The following MED27 variants were observed in gnomAD, a reference collection of about 807,000 sequenced individuals.
The protein encoded by MED27 is mediator complex subunit 27, also known as mediator of RNA polymerase II transcription subunit 27.
Under a neutral mutation model 38.2 loss-of-function variants are expected in MED27, and 30 were observed. That is an observed-to-expected ratio of 0.79 (90% confidence interval 0.59 to 1.07). The LOEUF (loss-of-function observed/expected upper bound fraction) is 1.07. MED27 is among the 50% of genes least tolerant of loss of function. The pLI is 0.00. For missense variants in MED27, 289 were observed against 397.5 expected (o/e 0.73, Z 2.32); for synonymous variants, 122 against 153.5 (o/e 0.79, Z 1.52).
At chr9:132,002,481 G>A (rs761764741) in intron 3 of MED27, among the ~76,000 whole-genome samples, 5 of 152,174 alleles carry the variant, frequency 3.3e-5, no homozygotes, top group Non-Finnish European at 5.9e-5. Flanking sequence ...GTACCTGTGA[G>A]AGCTGGTGCA....
At chr9:131,994,287 C>T (rs929859236) in intron 3 of MED27, among the ~76,000 whole-genome samples, 3 of 152,200 alleles carry the variant, frequency 2.0e-5, no homozygotes, top group African/African-American at 7.2e-5. Flanking sequence ...TCTACAACCA[C>T]ATTAGGTCCT....
At chr9:131,940,339 C>A (rs1830764205) in intron 3 of MED27, among the ~76,000 whole-genome samples, 1 of 152,194 alleles carries the variant, frequency 6.6e-6, no homozygotes. Flanking sequence ...TTTTTAATAG[C>A]TGAGACACAT....
At chr9:131,932,651 C>T (rs933677264) in intron 4 of MED27, among the ~76,000 whole-genome samples, 3 of 151,794 alleles carry the variant, frequency 2.0e-5, no homozygotes, top group African/African-American at 7.3e-5. Context: ...GAAAAGCCCA[C>T]GATCCAAAGG....
intron 3 of MED27, among the ~76,000 whole-genome samples, chr9:131,939,827 G>A (rs1001201018): frequency 6.6e-6 from 1 of 152,074 alleles, no homozygotes; most frequent in Non-Finnish European, 1.5e-5. Flanking sequence ...CGCACCTCCG[G>A]GCTGTCTCAC....
intron 3 of MED27, among the ~76,000 whole-genome samples, chr9:131,957,898 A>G (rs7047152): frequency 3.9e-5 from 5 of 129,780 alleles, no homozygotes; most frequent in Non-Finnish European, 5.0e-5. Flanking sequence ...GTCTCTATTT[A>G]AAAAAAAAAA....
At chr9:132,029,893 A>G (rs1240154412) in intron 2 of MED27, among the ~76,000 whole-genome samples, 1 of 152,102 alleles carries the variant, frequency 6.6e-6, no homozygotes, top group Non-Finnish European at 1.5e-5. Context: ...AGGGGAGCAG[A>G]GCATGGCCCA....
rs1468017612 is a variant in MED27, at chr9:131,861,496, C to T, written c.802-824G>A. ...AGCTTATTGATACACATTCTTCCAT[C>T]TTCACCACAGCTGCCTTCATGGTGA... On this transcript the variant is annotated intron_variant, in intron 7 of 7. Coordinates refer to ENST00000292035, the MANE Select transcript of MED27 (RefSeq NM_004269.4). The surrounding 1 kb of genome is among the most constrained non-coding windows in gnomAD (Gnocchi z 4.4). 1.3e-5 allele frequency among the ~76,000 whole-genome samples: 2 copies of T among 152,252 alleles called. No homozygotes were observed. Among genetic ancestry groups the T allele is most frequent in the African/African-American group, 4.8e-5 (2 of 41,462 alleles).
intron 2 of MED27, among the ~76,000 whole-genome samples, chr9:132,042,607 A>C (rs1476409920): frequency 6.6e-6 from 1 of 152,222 alleles, no homozygotes; most frequent in Non-Finnish European, 1.5e-5. Flanking sequence ...AATGCCAAGA[A>C]GAACACTAAG....
At chr9:131,900,185 C>T (rs896637710) in intron 4 of MED27, among the ~76,000 whole-genome samples, 12 of 152,220 alleles carry the variant, frequency 7.9e-5, no homozygotes, top group Admixed American at 2.6e-4. Flanking sequence ...ATCTGGCCAT[C>T]GCCTCCCAGA....
intron 4 of MED27, among the ~76,000 whole-genome samples, chr9:131,930,044 G>A (rs1830555482): frequency 6.6e-6 from 1 of 152,160 alleles, no homozygotes. Flanking sequence ...GAGAGAGAGA[G>A]AGGCTCCCTT....
intron 3 of MED27, among the ~76,000 whole-genome samples, chr9:131,996,899 TGTAAGAATACA>T (rs1324000856): frequency 1.3e-5 from 2 of 152,230 alleles, no homozygotes; most frequent in African/African-American, 4.8e-5. Flanking sequence ...GATATTTTAT[TGTAAGAATACA>T]GTATGTAATG....
At chr9:131,888,978 T>A (rs1224284823) in intron 5 of MED27, among the ~76,000 whole-genome samples, 1 of 152,252 alleles carries the variant, frequency 6.6e-6, no homozygotes, top group Non-Finnish European at 1.5e-5. Flanking sequence ...TGAATTAAAC[T>A]GGATTCCCCT....
intron 3 of MED27, among the ~76,000 whole-genome samples, chr9:131,973,457 C>CTTTTTTT (rs747946439): frequency 4.2e-4 from 51 of 122,166 alleles, no homozygotes; most frequent in African/African-American, 1.0e-3. Context: ...TTTTTCTTTT[C>CTTTTTTT]TTTTTTTTTT....
chr9:131,954,540 C>T (rs1173546780), intron 3 of MED27, among the ~76,000 whole-genome samples: 1 of 152,184 alleles, frequency 6.6e-6, no homozygotes, highest in Non-Finnish European at 1.5e-5. Context: ...TAACTAGCCT[C>T]AGCTGTGATC....
chr9:131,947,515 C>G (rs368883210), intron 3 of MED27, among the ~76,000 whole-genome samples: 1 of 152,174 alleles, frequency 6.6e-6, no homozygotes, highest in Admixed American at 6.5e-5. Context: ...CTAAAATGAT[C>G]ACAAAACAGA....
chr9:132,046,567 TA>T (rs1833343751), intron 2 of MED27, among the ~76,000 whole-genome samples: 2 of 151,768 alleles, frequency 1.3e-5, no homozygotes, highest in African/African-American at 2.4e-5. Flanking sequence ...CTATGAAGAG[TA>T]AATAGTAATG....
At chr9:132,055,534 C>T (rs753712798) in intron 2 of MED27, among the ~76,000 whole-genome samples, 2 of 152,124 alleles carry the variant, frequency 1.3e-5, no homozygotes, top group South Asian at 2.1e-4. Flanking sequence ...ACAGCAAAGA[C>T]GATTAGATCA....
chr9:131,939,573 A>T, intron 3 of MED27, 99 bp from the exon 4 acceptor site: 1 of 679,590 alleles, frequency 1.5e-6, no homozygotes, highest in Admixed American at 3.4e-5. Context: ...ATAATTTTAA[A>T]TCAATATAAC....
At chr9:131,985,457 T>C (rs2131033451) in intron 3 of MED27, among the ~76,000 whole-genome samples, 1 of 152,320 alleles carries the variant, frequency 6.6e-6, no homozygotes. Flanking sequence ...ACCGCATATA[T>C]GACAGTGGTC....
Sources: gnomAD v4.1 joint callset for allele counts (sites outside exome capture counted in the v4.1 genomes callset) on GRCh38, gnomAD v4.1.1 for gene constraint, Gnocchi (gnomAD v3.1) non-coding constraint, MANE v1.5 for transcripts, NCBI Gene and HGNC (gene_info 2026-07-23, HGNC 2026-07-21) for gene names.